TANK: variants seen among roughly 807,000 people sequenced by gnomAD.
TANK encodes TRAF family member-associated NF-kappa-B activator.
TANK carries 15 observed loss-of-function variants against 43.6 expected under a neutral mutation model. The observed-to-expected ratio is 0.34, with a 90% CI of 0.23 to 0.53. The LOEUF (loss-of-function observed/expected upper bound fraction) is 0.53, where lower values mean the gene tolerates loss of function less well. Among genes scored for constraint, TANK ranks in the 20% least tolerant of loss-of-function variants. The probability of loss-of-function intolerance (pLI) is 0.94; values close to 1 mark genes in which losing one functional copy is unlikely to be tolerated. For missense variants in TANK, 417 were observed against 498.6 expected (o/e 0.84, Z 1.56); for synonymous variants, 162 against 178.2 (o/e 0.91, Z 0.73).
intron 2 of TANK, chr2:161,197,240 A>G (rs1231607671): frequency 1.3e-5 from 2 of 152,252 alleles, no homozygotes; most frequent in African/African-American, 2.4e-5. Context: ...TTTTATAACT[A>G]TAGCCATTAA....
chr2:161,230,377 AAAT>A (rs1687849639), intron 6 of TANK, among the ~76,000 whole-genome samples: 1 of 152,204 alleles, frequency 6.6e-6, no homozygotes, highest in Non-Finnish European at 1.5e-5. Context: ...TAAGATGATA[AAAT>A]AATCTATTCA....
intron 1 of TANK, among the ~76,000 whole-genome samples, chr2:161,169,762 T>C (rs893017743): frequency 6.6e-6 from 1 of 151,970 alleles, no homozygotes; most frequent in Non-Finnish European, 1.5e-5. Flanking sequence ...GATTGTGCTT[T>C]AGCAACAGAG....
intron 1 of TANK, among the ~76,000 whole-genome samples, chr2:161,150,209 A>G (rs780483210): frequency 6.6e-6 from 1 of 152,122 alleles, no homozygotes; most frequent in African/African-American, 2.4e-5. Context: ...TTAGTAGTCT[A>G]TGTGTTTTTA....
upstream of TANK, chr2:161,160,336 C>T (rs2105244436): frequency 3.2e-6 from 3 of 939,318 alleles, no homozygotes; most frequent in Admixed American, 4.3e-5. Flanking sequence ...CGGAAGGGCC[C>T]TGGCCTTGTT....
chr2:161,211,948 A>C (rs1686907778), intron 4 of TANK: 1 of 972,530 alleles, frequency 1.0e-6, no homozygotes, highest in African/African-American at 1.8e-5. Context: ...TCCTCTGGAG[A>C]CTAGCCTTTT....
chr2:161,187,273 A>G (rs1368751212), intron 2 of TANK, among the ~76,000 whole-genome samples: 1 of 152,076 alleles, frequency 6.6e-6, no homozygotes, highest in Non-Finnish European at 1.5e-5. Flanking sequence ...CAAAAAAACA[A>G]AAACAAAAAA....
chr2:161,199,793 C>T (rs867864602), intron 2 of TANK, among the ~76,000 whole-genome samples: 1 of 152,124 alleles, frequency 6.6e-6, no homozygotes, highest in South Asian at 2.1e-4. Context: ...CCTGTAATCC[C>T]AGCACTTTGG....
chr2:161,218,321 T>C (rs1687206588), intron 4 of TANK, among the ~76,000 whole-genome samples: 1 of 152,160 alleles, frequency 6.6e-6, no homozygotes, highest in African/African-American at 2.4e-5. Flanking sequence ...TGGTGCAATA[T>C]GTAAATGTAA....
At chr2:161,182,918 A>T (rs1685494203) in intron 2 of TANK, among the ~76,000 whole-genome samples, 1 of 152,144 alleles carries the variant, frequency 6.6e-6, no homozygotes, top group Non-Finnish European at 1.5e-5. Context: ...AAGTGAGAGG[A>T]GGGCAGGAGA....
At chr2:161,153,713 C>G (rs962378302) in intron 1 of TANK, among the ~76,000 whole-genome samples, 1 of 120,236 alleles carries the variant, frequency 8.3e-6, no homozygotes, top group Non-Finnish European at 1.8e-5. Context: ...AAAAAAAAAT[C>G]AACTGCATGT....
At chr2:161,142,167 G>T (rs1224515283) in intron 1 of TANK, among the ~76,000 whole-genome samples, 2 of 152,096 alleles carry the variant, frequency 1.3e-5, no homozygotes, top group Non-Finnish European at 2.9e-5. Context: ...CCCACTCTTT[G>T]ATGGGGTTGT....
At chr2:161,157,925 C>T (rs1259300050), upstream of TANK, among the ~76,000 whole-genome samples, 1 of 152,240 alleles carries the variant, frequency 6.6e-6, no homozygotes, top group East Asian at 1.9e-4. Context: ...CTCAAGTGAT[C>T]AGCCCGCCTT....
At chr2:161,218,069 T>C (rs956059996) in intron 4 of TANK, among the ~76,000 whole-genome samples, 6 of 152,176 alleles carry the variant, frequency 3.9e-5, no homozygotes, top group Non-Finnish European at 5.9e-5. Context: ...ATTGCCTATG[T>C]TAACAAGTGA....
chr2:161,179,641 T>C lies in TANK; in HGVS notation c.-22T>C, dbSNP rs1465017076. On this transcript the variant is annotated 5_prime_UTR_variant, in exon 2 of 8. Coordinates refer to ENST00000392749, the MANE Select transcript of TANK (RefSeq NM_001199135.3). The stretch of plus-strand genomic sequence containing the variant: ...CTGTCATTTACTCCATCCTTTATAG[T>C]GATGCTACAGGACGAAGAGGAATGG... The C allele has an allele frequency of 1.9e-6, 3 of 1,612,416 alleles. No individual in the cohort carries two copies. Among genetic ancestry groups the C allele is most frequent in the Admixed American group, 1.7e-5 (1 of 59,784 alleles).
intron 2 of TANK, among the ~76,000 whole-genome samples, chr2:161,187,290 G>T (rs1435218410): frequency 6.6e-6 from 1 of 152,172 alleles, no homozygotes; most frequent in East Asian, 1.9e-4. Context: ...AAAACACCAG[G>T]TATGGTGGTG....
intron 1 of TANK, among the ~76,000 whole-genome samples, chr2:161,146,694 C>T (rs1158199520): frequency 1.3e-5 from 2 of 152,186 alleles, no homozygotes; most frequent in Non-Finnish European, 2.9e-5. Flanking sequence ...TGGATGCCTG[C>T]TCCTTCCTCT....
chr2:161,193,972 T>C (rs1686031869), intron 2 of TANK, among the ~76,000 whole-genome samples: 1 of 151,386 alleles, frequency 6.6e-6, no homozygotes, highest in African/African-American at 2.4e-5. Flanking sequence ...GCCTGGAGAG[T>C]TTCAAGTATC....
intron 2 of TANK, among the ~76,000 whole-genome samples, chr2:161,181,445 A>G (rs549898602): frequency 6.6e-4 from 101 of 152,260 alleles, no homozygotes; most frequent in Non-Finnish European, 1.3e-3. Context: ...ACAACAAAAA[A>G]AAACTACCTG....
In TANK at chr2:161,230,366, A is replaced by G. The variant is rs964775927; in HGVS notation, c.521-605A>G. On this transcript the variant is annotated intron_variant, in intron 6 of 7. Transcript: ENST00000392749. Reference sequence around the variant, plus strand: ...ACAGAGGTCTTTTTTAAAAAAAGATATAAGATGATAAAATAATCTATTCAT... The same window carrying G: ...ACAGAGGTCTTTTTTAAAAAAAGATGTAAGATGATAAAATAATCTATTCAT... Among the ~76,000 whole-genome samples the G allele has an allele frequency of 3.9e-5, 6 of 152,350 alleles. 1 individual carries two copies. In the South Asian group the frequency reaches 6.2e-4, roughly 16 times the overall value.
Sources: allele counts gnomAD v4.1 joint callset (sites outside exome capture counted in the v4.1 genomes callset), GRCh38; gene constraint gnomAD v4.1.1; transcripts MANE v1.5; gene names NCBI Gene and HGNC (gene_info 2026-07-23, HGNC 2026-07-21).